Variants in ABCG4 observed in about 807,000 individuals in gnomAD.
ABCG4 encodes the protein ATP-binding cassette sub-family G member 4.
Under a neutral mutation model 64.6 loss-of-function variants are expected in ABCG4, and 35 were observed. The ratio of observed to expected loss-of-function variants is 0.54; its 90% CI spans 0.41 to 0.72. ABCG4 has a LOEUF of 0.72. Among genes scored for constraint, ABCG4 ranks in the 30% least tolerant of loss-of-function variants. ABCG4 has a pLI of 0.00. For synonymous variants in ABCG4, 326 were observed against 348.2 expected (o/e 0.94, Z 0.71); for missense variants, 610 against 846.3 (o/e 0.72, Z 3.46).
rs1161903548 is a variant in ABCG4 at position 119,150,160 on chromosome 11, G to C, written c.195G>C (p.Glu65Asp). 1.9e-6 allele frequency: 3 copies of C among 1,614,070 alleles called. No individual in the cohort carries two copies. In the Admixed American group the frequency reaches 5.0e-5, roughly 27 times the overall value. The change falls in exon 2 of 15, where the codon GAG (glutamate) becomes GAC (aspartate). Residue 65 changes from glutamate to aspartate, a missense_variant. Glu to Asp is a conservative substitution (Grantham distance 45). Coordinates refer to ENST00000619701, the MANE Select transcript of ABCG4 (RefSeq NM_022169.5). This position sits in a 1 kb window ranked among gnomAD's most constrained non-coding sequence, Gnocchi z 4.3. ...CAGCCGTGGACATCGAGTTCGTGGA[G>C]CTGTCCTATTCCGTGCGGGAGGGGC... ...KRSAVDIEFV[E>D]LSYSVREGPC...
In ABCG4 at chr11:119,149,949, T is replaced by C. The variant is rs1948169953; in HGVS notation, c.-12-5T>C. On this transcript the variant is annotated splice_region_variant and splice_polypyrimidine_tract_variant and intron_variant, in intron 1 of 14. Coordinates refer to ENST00000619701, the MANE Select transcript of ABCG4 (RefSeq NM_022169.5). This position sits in a 1 kb window ranked among gnomAD's most constrained non-coding sequence, Gnocchi z 8.3. Reference sequence around the variant, plus strand: ...CCCCAAACTGAGCAGGCCCTCCCCTTGCAGGTCGGCGGCGTGATGGCGGAG... The same window carrying C: ...CCCCAAACTGAGCAGGCCCTCCCCTCGCAGGTCGGCGGCGTGATGGCGGAG... 1 of 1,599,708 alleles carries C rather than the reference T, an allele frequency of 6.3e-7. No homozygotes were observed.
Position 119,154,894 on chromosome 11 carries a change from T to G in ABCG4, c.665T>G (p.Met222Arg). The G allele has an allele frequency of 6.2e-7, 1 of 1,612,308 alleles. No individual in the cohort carries two copies. Among genetic ancestry groups the G allele is most frequent in the Non-Finnish European group, 8.5e-7 (1 of 1,178,546 alleles). Residue 222 changes from methionine (M) to arginine (R), a missense_variant, in exon 6 of 15, where the codon ATG becomes AGG. Met to Arg is a moderately conservative substitution (Grantham distance 91). Transcript: ENST00000619701. The surrounding 1 kb of genome is among the most constrained non-coding windows in gnomAD (Gnocchi z 7.0). ...ALELVNNPPV[M>R]FFDEPTSGLD... is the part of the protein sequence containing the mutation. ...GAGCTGGTCAACAACCCGCCTGTCA[T>G]GTTCTTTGATGAGCCCACCAGGTAG...
chr11:119,150,262 G>A lies in ABCG4; in HGVS notation c.238+59G>A, dbSNP rs576462274. 1.9e-6 allele frequency: 3 copies of A among 1,577,378 alleles called. No homozygotes were observed. Among genetic ancestry groups the A allele is most frequent in the East Asian group, 2.3e-5 (1 of 44,368 alleles). ...CCCTCTCTGAGTTGCCTCTCCAGAA[G>A]CATGAGGCCTGGGTGTCCCATGTTC... On this transcript the variant is annotated intron_variant, in intron 2 of 14. Transcript: ENST00000619701. The surrounding 1 kb of genome is among the most constrained non-coding windows in gnomAD (Gnocchi z 4.3).
chr11:119,160,157 G>A lies in ABCG4; in HGVS notation c.1438-70G>A. On this transcript the variant is annotated intron_variant, in intron 12 of 14. Transcript: ENST00000619701. The surrounding 1 kb of genome is among the most constrained non-coding windows in gnomAD (Gnocchi z 4.6). The stretch of plus-strand genomic sequence containing the variant: ...AGGTATTCTAGAGGCCCAGCCTTGG[G>A]TGGAGTGGAGGTCTTGGCTGCTGTG... 1.3e-6 allele frequency: 2 copies of A among 1,534,774 alleles called. No homozygotes were observed. The highest frequency in any genetic ancestry group is 1.4e-5 in the African/African-American group (1 of 73,404).
intron 9 of ABCG4, 109 bp downstream of exon 9, chr11:119,157,123 G>T: frequency 1.4e-6 from 2 of 1,436,672 alleles, no homozygotes; most frequent in Non-Finnish European, 9.3e-7. Flanking sequence ...GCAACCAATG[G>T]GTGCTAGGAA....
In ABCG4 at chr11:119,154,460, G is replaced by T; in HGVS notation, c.490-65G>T. The stretch of plus-strand genomic sequence containing the variant: ...GTCTGCTGTCGCCACCTTCACCATT[G>T]GCGGAGGGTTCAAGGCAGAGCTCCC... On this transcript the variant is annotated intron_variant, in intron 4 of 14. Transcript: ENST00000619701. This position sits in a 1 kb window ranked among gnomAD's most constrained non-coding sequence, Gnocchi z 7.0. 6.2e-7 allele frequency: 1 copy of T among 1,614,052 alleles called. No homozygotes were observed. The highest frequency in any genetic ancestry group is 1.1e-5 in the South Asian group (1 of 91,088).
At position 119,162,131 on chromosome 11, in the gene ABCG4, G is replaced by A. The variant is rs1031366295; in HGVS notation, c.*1025G>A. On this transcript the variant is annotated 3_prime_UTR_variant, in exon 15 of 15. Transcript: ENST00000619701. ...GTTGGAGACTCTAAGGATAAGGCTG[G>A]TGCTGCCCAGGGTGTCTACAGGAAC... The A allele has an allele frequency of 6.5e-6, 1 of 152,760 alleles. No individual in the cohort carries two copies. The highest frequency in any genetic ancestry group is 2.4e-5 in the African/African-American group (1 of 41,410). 9.5% of individuals were successfully genotyped at this position (152,760 alleles called of 1,614,324 possible). A position where few individuals can be genotyped will look rare whatever the true frequency, so the allele number is the denominator to read the frequency against.
rs991992061 is a variant in ABCG4 at position 119,160,452 on chromosome 11, G to A, written c.1596+67G>A. ...GTCTTGTGGGAGGAAGCAGGGCCTG[G>A]TGCAAGGGTTAGGGTGGAGCTCTAG... On this transcript the variant is annotated intron_variant, in intron 13 of 14. Transcript: ENST00000619701. The surrounding 1 kb of genome is among the most constrained non-coding windows in gnomAD (Gnocchi z 4.6). The A allele has an allele frequency of 4.4e-6, 7 of 1,605,568 alleles. No homozygotes were observed. Among genetic ancestry groups the A allele is most frequent in the Non-Finnish European group, 6.0e-6 (7 of 1,175,008 alleles).
In ABCG4 at chr11:119,154,306, G is replaced by A. The variant is rs1293684821; in HGVS notation, c.403G>A (p.Glu135Lys). 1 of 1,614,086 alleles carries A rather than the reference G, an allele frequency of 6.2e-7. No individual in the cohort carries two copies. The highest frequency in any genetic ancestry group is 8.5e-7 in the Non-Finnish European group (1 of 1,180,042). The change falls in exon 4 of 15, where the codon GAG becomes AAG. Residue 135 changes from glutamate (E) to lysine (K), a missense_variant. Coordinates refer to ENST00000619701, the MANE Select transcript of ABCG4 (RefSeq NM_022169.5). This position sits in a 1 kb window ranked among gnomAD's most constrained non-coding sequence, Gnocchi z 7.0. ...GATCCTGGTTAATGGAAGGCCACGG[G>A]AGCTGAGGACCTTCCGCAAGATGTC... ...GQILVNGRPRELRTFRKMSCY... is the reference protein window; with the variant it reads ...GQILVNGRPRKLRTFRKMSCY...
rs760323610 is a variant in ABCG4, at chr11:119,160,924, C to G, written c.1759C>G (p.Arg587Gly). 8 of 1,614,054 alleles carry G rather than the reference C, an allele frequency of 5.0e-6. No individual in the cohort carries two copies. Among genetic ancestry groups the G allele is most frequent in the Non-Finnish European group, 6.8e-6 (8 of 1,179,960 alleles). Reference sequence around the variant, plus strand: ...GATCCTGACGATCTATGGCATGGAGCGAGGAGACCTGACATGTTTAGAGGA... The same window carrying G: ...GATCCTGACGATCTATGGCATGGAGGGAGGAGACCTGACATGTTTAGAGGA... ...GVILTIYGMERGDLTCLEERC... is the reference protein window; with the variant it reads ...GVILTIYGMEGGDLTCLEERC... Residue 587 changes from arginine (R) to glycine (G), a missense_variant, in exon 15 of 15, where the codon CGA becomes GGA. Arg to Gly is a moderately radical substitution (Grantham distance 125, BLOSUM62 -2). Coordinates refer to ENST00000619701, the MANE Select transcript of ABCG4 (RefSeq NM_022169.5). This position sits in a 1 kb window ranked among gnomAD's most constrained non-coding sequence, Gnocchi z 4.6.
Position 119,149,654 on chromosome 11 carries a change from A to C in ABCG4, c.-13+291A>C. ...GGCTGCCTCTTCTCCCCCGCCCCCT[A>C]TTCCTTCAGTCCCCAGGGGCTGCTG... On this transcript the variant is annotated intron_variant, in intron 1 of 14. Coordinates refer to ENST00000619701, the MANE Select transcript of ABCG4 (RefSeq NM_022169.5). The surrounding 1 kb of genome is among the most constrained non-coding windows in gnomAD (Gnocchi z 8.3). The C allele has an allele frequency of 2.5e-6, 1 of 395,116 alleles. No homozygotes were observed. Among genetic ancestry groups the C allele is most frequent in the Non-Finnish European group, 4.7e-6 (1 of 214,598 alleles). 24.5% of individuals were successfully genotyped at this position (395,116 alleles called of 1,614,324 possible).
rs1948298848 is a variant in ABCG4, at chr11:119,158,506, G to A, written c.1168-51G>A. ...GTTCCTACTCCAAGTCTACTCTGTG[G>A]CTTGCCCTGGCCTGTAACACATCCC... On this transcript the variant is annotated intron_variant, in intron 10 of 14. Transcript: ENST00000619701. This position sits in a 1 kb window ranked among gnomAD's most constrained non-coding sequence, Gnocchi z 4.5. The A allele has an allele frequency of 1.5e-5, 24 of 1,609,720 alleles. No individual in the cohort carries two copies. The highest frequency in any genetic ancestry group is 2.0e-5 in the Non-Finnish European group (23 of 1,176,192).
Position 119,150,121 on chromosome 11 carries a change from C to A in ABCG4, c.156C>A (p.His52Gln). 6.2e-7 allele frequency: 1 copy of A among 1,614,158 alleles called. No homozygotes were observed. Among genetic ancestry groups the A allele is most frequent in the Non-Finnish European group, 8.5e-7 (1 of 1,180,020 alleles). Residue 52 changes from histidine to glutamine, a missense_variant, in exon 2 of 15, where the codon CAC (histidine) becomes CAA (glutamine). Transcript: ENST00000619701. The surrounding 1 kb of genome is among the most constrained non-coding windows in gnomAD (Gnocchi z 4.3). ...TCACTGAAGCCCAGCGCTTCTCCCACCTACCCAAGCGCTCAGCCGTGGACA... is the reference window on the plus strand; with the variant it reads ...TCACTGAAGCCCAGCGCTTCTCCCAACTACCCAAGCGCTCAGCCGTGGACA... ...NHITEAQRFS[H>Q]LPKRSAVDIE...
intron 2 of ABCG4, among the ~76,000 whole-genome samples, chr11:119,152,370 C>G (rs998777458): frequency 1.3e-5 from 2 of 152,204 alleles, no homozygotes; most frequent in Admixed American, 6.5e-5. Context: ...AGCTGCTCCC[C>G]CTTCTGACGG....
chr11:119,158,272 C>A lies in ABCG4; in HGVS notation c.1107C>A (p.Ser369Arg). 6.2e-7 allele frequency: 1 copy of A among 1,602,664 alleles called. No homozygotes were observed. The highest frequency in any genetic ancestry group is 1.1e-5 in the South Asian group (1 of 90,410). ...DPIESHTFAT[S>R]TLTQFCILFK... ...TTGAAAGCCACACCTTTGCCACCAG[C>A]ACCCTCACACAGTTCTGCATCCTCT... Residue 369 changes from serine (S) to arginine (R), a missense_variant, in exon 10 of 15, where the codon AGC (serine) becomes AGA (arginine). Transcript: ENST00000619701. The surrounding 1 kb of genome is among the most constrained non-coding windows in gnomAD (Gnocchi z 4.5).
chr11:119,158,857 G>C lies in ABCG4; in HGVS notation c.1365G>C (p.Arg455Ser). Residue 455 changes from arginine to serine, a missense_variant, in exon 12 of 15, where the codon AGG becomes AGC. Arg to Ser is a moderately radical substitution (Grantham distance 110). Coordinates refer to ENST00000619701, the MANE Select transcript of ABCG4 (RefSeq NM_022169.5). The surrounding 1 kb of genome is among the most constrained non-coding windows in gnomAD (Gnocchi z 4.5). ...TFPLEMAVFM[R>S]EHLNYWYSLK... ...CCTTAGAGATGGCGGTCTTCATGAG[G>C]GAGCACCTCAACTACTGGTACAGCC... 6.2e-7 allele frequency: 1 copy of C among 1,614,190 alleles called. No homozygotes were observed. The highest frequency in any genetic ancestry group is 8.5e-7 in the Non-Finnish European group (1 of 1,180,036).
At position 119,154,031 on chromosome 11, in the gene ABCG4, A is replaced by G; in HGVS notation, c.244A>G (p.Lys82Glu). 6.8e-6 allele frequency: 11 copies of G among 1,614,102 alleles called. No homozygotes were observed. The highest frequency in any genetic ancestry group is 9.3e-6 in the Non-Finnish European group (11 of 1,179,982). Residue 82 changes from lysine to glutamate, a missense_variant, in exon 3 of 15, where the codon AAG becomes GAG. By Grantham distance (56) the Lys-to-Glu change is moderately conservative. Coordinates refer to ENST00000619701, the MANE Select transcript of ABCG4 (RefSeq NM_022169.5). The surrounding 1 kb of genome is among the most constrained non-coding windows in gnomAD (Gnocchi z 7.0). ...EGPCWRKRGY[K>E]TLLKCLSGKF... ...TCCTCCCCACCTCACTGCAGGTTAT[A>G]AGACCCTTCTCAAGTGCCTCTCAGG... is the stretch of plus-strand genomic sequence containing the variant.
chr11:119,160,841 C>A lies in ABCG4; in HGVS notation c.1716-40C>A. 1 of 1,588,800 alleles carries A rather than the reference C, an allele frequency of 6.3e-7. No homozygotes were observed. Among genetic ancestry groups the A allele is most frequent in the South Asian group, 1.1e-5 (1 of 89,556 alleles). On this transcript the variant is annotated intron_variant, in intron 14 of 14. Coordinates refer to ENST00000619701, the MANE Select transcript of ABCG4 (RefSeq NM_022169.5). The surrounding 1 kb of genome is among the most constrained non-coding windows in gnomAD (Gnocchi z 4.6). Reference sequence around the variant, plus strand: ...GGCAGTTTTCTCAGAGAGCAGGGACCCTGTGTGCTGTATCCCATCTGATAT... The same window carrying A: ...GGCAGTTTTCTCAGAGAGCAGGGACACTGTGTGCTGTATCCCATCTGATAT...
rs1188318637 is a variant in ABCG4 at position 119,160,784 on chromosome 11, C to T, written c.1716-97C>T. On this transcript the variant is annotated intron_variant, in intron 14 of 14. Transcript: ENST00000619701. This position sits in a 1 kb window ranked among gnomAD's most constrained non-coding sequence, Gnocchi z 4.6. ...TTTGGGCAGGGGCACCCTGGCTGCACCCCAGGGATGACAGCATTGCAGCTG... is the reference window on the plus strand; with the variant it reads ...TTTGGGCAGGGGCACCCTGGCTGCATCCCAGGGATGACAGCATTGCAGCTG... The T allele has an allele frequency of 1.3e-6, 2 of 1,493,506 alleles. No individual in the cohort carries two copies. Among genetic ancestry groups the T allele is most frequent in the Non-Finnish European group, 1.9e-6 (2 of 1,079,814 alleles). 92.5% of individuals were successfully genotyped at this position (1,493,506 alleles called of 1,614,324 possible). A position where few individuals can be genotyped will look rare whatever the true frequency, so the allele number is the denominator to read the frequency against.
Sources: allele counts gnomAD v4.1 joint callset (sites outside exome capture counted in the v4.1 genomes callset), GRCh38; gene constraint gnomAD v4.1.1; non-coding constraint Gnocchi (gnomAD v3.1); transcripts MANE v1.5; gene names NCBI Gene and HGNC (gene_info 2026-07-23, HGNC 2026-07-21).